HAS2: variants seen among roughly 807,000 people sequenced by gnomAD.
The protein encoded by HAS2 is HA synthase 2.
A neutral mutation model predicts 51.6 loss-of-function variants in HAS2; 16 were observed. The observed-to-expected ratio is 0.31, with a 90% CI of 0.21 to 0.47. The LOEUF is 0.47. HAS2 is among the 20% of genes least tolerant of loss of function. HAS2 has a pLI of 1.00. For missense variants in HAS2, 361 were observed against 662.6 expected (o/e 0.54, Z 5.00); for synonymous variants, 228 against 235.5 (o/e 0.97, Z 0.29).
intron 1 of HAS2, chr8:121,640,028 C>G (rs983868735): frequency 1.3e-5 from 2 of 152,198 alleles, no homozygotes; most frequent in African/African-American, 4.8e-5. Flanking sequence ...CCGCAGCTGC[C>G]GAAGCGCAGC....
chr8:121,629,389 C>T (rs749119424), intron 1 of HAS2, 49 bp from the exon 2 acceptor site: 3 of 1,419,728 alleles, frequency 2.1e-6, no homozygotes, highest in Non-Finnish European at 2.9e-6. Context: ...TTGTCCCACA[C>T]TTGTTATATA....
At chr8:121,622,566 CAT>C (rs1273171767) in intron 2 of HAS2, among the ~76,000 whole-genome samples, 2 of 151,518 alleles carry the variant, frequency 1.3e-5, no homozygotes, top group African/African-American at 4.9e-5. Context: ...AAATGGAACT[CAT>C]ATATACTAAA....
intron 1 of HAS2, among the ~76,000 whole-genome samples, chr8:121,633,698 G>C (rs1812966788): frequency 6.6e-6 from 1 of 152,220 alleles, no homozygotes; most frequent in African/African-American, 2.4e-5. Context: ...TCTTCCACCT[G>C]TGGAGCAGAT....
rs959756189 is a variant in HAS2 at position 121,641,270 on chromosome 8, A to G, written c.-418T>C. On this transcript the variant is annotated 5_prime_UTR_variant, in exon 1 of 4. Coordinates refer to ENST00000303924, the MANE Select transcript of HAS2 (RefSeq NM_005328.3). Reference sequence around the variant, plus strand: ...AAAAAAAAAAGCCTGTGGAAGACTCAGCAGAACCCAGGAAGCGCAGAATTG... The same window carrying G: ...AAAAAAAAAAGCCTGTGGAAGACTCGGCAGAACCCAGGAAGCGCAGAATTG... 7.3e-6 allele frequency: 1 copy of G among 136,646 alleles called. No individual in the cohort carries two copies. The highest frequency in any genetic ancestry group is 1.5e-5 in the Non-Finnish European group (1 of 65,112). The allele number at this position is 136,646 out of a possible 1,614,324, so 8.5% of individuals were successfully genotyped here. A position where few individuals can be genotyped will look rare whatever the true frequency, so the allele number is the denominator to read the frequency against.
chr8:121,636,522 T>C (rs1183156971), intron 1 of HAS2, among the ~76,000 whole-genome samples: 1 of 152,200 alleles, frequency 6.6e-6, no homozygotes, highest in Non-Finnish European at 1.5e-5. Flanking sequence ...AAGCCTTTTT[T>C]ACAGGACTTG....
chr8:121,623,958 C>A (rs973732306), intron 2 of HAS2, among the ~76,000 whole-genome samples: 1 of 152,118 alleles, frequency 6.6e-6, no homozygotes, highest in Non-Finnish European at 1.5e-5. Flanking sequence ...CATAAAGTTG[C>A]CAGGAACACT....
In HAS2 at chr8:121,619,839, G is replaced by T. The variant is rs150879671; in HGVS notation, c.628-2633C>A. ...CCTCTGTTGACTCAAGCTGGAAAAGGTAAAACCAGGCTAAAATAAGACTAA... is the reference window on the plus strand; with the variant it reads ...CCTCTGTTGACTCAAGCTGGAAAAGTTAAAACCAGGCTAAAATAAGACTAA... On this transcript the variant is annotated intron_variant, in intron 2 of 3. Transcript: ENST00000303924. Among the ~76,000 whole-genome samples, 3 of 152,262 alleles carry T rather than the reference G, an allele frequency of 2.0e-5. No individual in the cohort carries two copies. The East Asian group carries it at 5.8e-4, about 29-fold the overall frequency.
rs1813098577 is a variant in HAS2 at position 121,641,188 on chromosome 8, AG to A, written c.-337del. 8.1e-5 allele frequency: 2 copies of A among 24,808 alleles called. No homozygotes were observed. Among genetic ancestry groups the A allele is most frequent in the Non-Finnish European group, 1.7e-4 (2 of 11,832 alleles). 1.5% of individuals were successfully genotyped at this position (24,808 alleles called of 1,614,324 possible). Reference sequence around the variant, plus strand: ...TTTTTTTTTTTTTTTTTTGGGCTTCAGTCTTTCTGCCCCCGATAACAGAAAA... The same window carrying A: ...TTTTTTTTTTTTTTTTTTGGGCTTCATCTTTCTGCCCCCGATAACAGAAAA... On this transcript the variant is annotated 5_prime_UTR_variant, in exon 1 of 4. It adds an upstream start codon to the 5' untranslated region. Coordinates refer to ENST00000303924, the MANE Select transcript of HAS2 (RefSeq NM_005328.3).
At chr8:121,616,111 C>T (rs1389677849) in intron 3 of HAS2, among the ~76,000 whole-genome samples, 1 of 152,164 alleles carries the variant, frequency 6.6e-6, no homozygotes, top group Non-Finnish European at 1.5e-5. Flanking sequence ...AATCTAACCT[C>T]ATATTTATTT....
intron 1 of HAS2, among the ~76,000 whole-genome samples, chr8:121,630,658 A>G (rs977897178): frequency 2.0e-5 from 3 of 152,182 alleles, no homozygotes; most frequent in African/African-American, 4.8e-5. Flanking sequence ...TCTTTAATTC[A>G]ATTGATTTTT....
rs1034495429 is a variant in HAS2 at position 121,628,159 on chromosome 8, AT to A, written c.627+554del. The stretch of plus-strand genomic sequence containing the variant: ...AACATTACTTTGCTTTTGCTCGAAG[AT>A]TTTTTTTTCTCATTTTTTGTTTTCC... On this transcript the variant is annotated intron_variant, in intron 2 of 3. Transcript: ENST00000303924. Among the ~76,000 whole-genome samples the A allele has an allele frequency of 1.1e-3, 167 of 150,998 alleles. 1 individual carries two copies. The highest frequency in any genetic ancestry group is 3.9e-3 in the African/African-American group (159 of 41,068).
At position 121,628,854 on chromosome 8, in the gene HAS2, A is replaced by T; in HGVS notation, c.487T>A (p.Ser163Thr). Residue 163 changes from serine (S) to threonine (T), a missense_variant, in exon 2 of 4, where the codon TCA (serine) becomes ACA (threonine). Physicochemically the swap from Ser to Thr is moderately conservative, Grantham distance 58. Around this residue, in one of 5 missense-constraint regions of HAS2, gnomAD observed 145 missense variants for 217.6 expected, o/e 0.67. Transcript: ENST00000303924. ...ACGTGTTGCGAGCTTTCTTTATGTG[A>T]CTCATCTGTCTCACCGGGACCCTTT... ...HEKGPGETDE[S>T]HKESSQHVTQ... 6.2e-7 allele frequency: 1 copy of T among 1,613,910 alleles called. No homozygotes were observed. Among genetic ancestry groups the T allele is most frequent in the Non-Finnish European group, 8.5e-7 (1 of 1,179,948 alleles).
In HAS2 at chr8:121,614,669, T is replaced by A. The variant is rs188095966; in HGVS notation, c.1099A>T (p.Met367Leu). The change falls in exon 4 of 4, where the codon ATG becomes TTG. Residue 367 changes from methionine (M) to leucine (L), a missense_variant. By Grantham distance (15) the Met-to-Leu change is conservative. Coordinates refer to ENST00000303924, the MANE Select transcript of HAS2 (RefSeq NM_005328.3). The surrounding 1 kb of genome is among the most constrained non-coding windows in gnomAD (Gnocchi z 7.2). ...SYFREWLYNA[M>L]WFHKHHLWMT... is the part of the protein sequence containing the mutation. Reference sequence around the variant, plus strand: ...CACAAGTGATGTTTGTGAAACCACATTGCATTGTACAGCCATTCTCGGAAG... The same window carrying A: ...CACAAGTGATGTTTGTGAAACCACAATGCATTGTACAGCCATTCTCGGAAG... 4 of 1,614,216 alleles carry A rather than the reference T, an allele frequency of 2.5e-6. No individual in the cohort carries two copies. The African/African-American group carries it at 5.3e-5, about 22-fold the overall frequency.
chr8:121,631,289 C>G (rs930065126), intron 1 of HAS2, among the ~76,000 whole-genome samples: 2 of 152,144 alleles, frequency 1.3e-5, no homozygotes, highest in African/African-American at 4.8e-5. Flanking sequence ...GTGTACTGCA[C>G]TAGTATAACT....
chr8:121,620,684 A>G lies in HAS2; in HGVS notation c.628-3478T>C, dbSNP rs1812763004. ...ACCACAGAATCATCCACTAAATTGC[A>G]TAAGACCATCACTCTTCCTGCCTCA... On this transcript the variant is annotated intron_variant, in intron 2 of 3. Coordinates refer to ENST00000303924, the MANE Select transcript of HAS2 (RefSeq NM_005328.3). Among the ~76,000 whole-genome samples the G allele has an allele frequency of 2.0e-5, 3 of 152,142 alleles. No homozygotes were observed. In the East Asian group the frequency reaches 5.8e-4, roughly 29 times the overall value.
chr8:121,628,275 T>C (rs28516806), intron 2 of HAS2, among the ~76,000 whole-genome samples: 88,589 of 151,732 alleles, frequency 0.58, 27,572 homozygotes, highest in East Asian at 0.84. Context: ...GCAGTCTCTG[T>C]GAAAAACATT....
Position 121,612,235 on chromosome 8 carries a change from G to A in HAS2, c.*1874C>T, listed in dbSNP as rs1255510743. On this transcript the variant is annotated 3_prime_UTR_variant, in exon 4 of 4. Coordinates refer to ENST00000303924, the MANE Select transcript of HAS2 (RefSeq NM_005328.3). ...TTAATTCAACTTTTTATAAGAATGA[G>A]AGAATTTGACATTTGAATGTTATCA... The A allele has an allele frequency of 6.6e-6, 1 of 152,116 alleles. No individual in the cohort carries two copies. The highest frequency in any genetic ancestry group is 1.5e-5 in the Non-Finnish European group (1 of 68,020). 9.4% of individuals were successfully genotyped at this position (152,116 alleles called of 1,614,324 possible). A position where few individuals can be genotyped will look rare whatever the true frequency, so the allele number is the denominator to read the frequency against.
At chr8:121,633,547 A>G (rs1812964600) in intron 1 of HAS2, among the ~76,000 whole-genome samples, 1 of 152,196 alleles carries the variant, frequency 6.6e-6, no homozygotes, top group South Asian at 2.1e-4. Context: ...TATATTTTCT[A>G]TGTGGAAACG....
chr8:121,634,679 A>G (rs1392077920), intron 1 of HAS2, among the ~76,000 whole-genome samples: 1 of 151,994 alleles, frequency 6.6e-6, no homozygotes, highest in African/African-American at 2.4e-5. Context: ...GTCCTACCCC[A>G]ATCTTTACTG....
Sources: allele counts gnomAD v4.1 joint callset (sites outside exome capture counted in the v4.1 genomes callset), GRCh38; gene constraint gnomAD v4.1.1; regional missense constraint gnomAD v4.1.1; non-coding constraint Gnocchi (gnomAD v3.1); transcripts MANE v1.5; gene names NCBI Gene and HGNC (gene_info 2026-07-23, HGNC 2026-07-21).